Variants in GABRB3 observed in about 807,000 individuals in gnomAD.
GABRB3 encodes gamma-aminobutyric acid receptor subunit beta-3.
Under a neutral mutation model 52.1 loss-of-function variants are expected in GABRB3, and 14 were observed. The ratio of observed to expected loss-of-function variants is 0.27; its 90% confidence interval spans 0.18 to 0.42. The LOEUF (loss-of-function observed/expected upper bound fraction) is 0.42. Ranked by LOEUF, GABRB3 falls within the 10% of genes least tolerant of loss-of-function variation. The pLI, the probability that GABRB3 is intolerant of heterozygous loss-of-function variation, is 1.00. For synonymous variants in GABRB3, 260 were observed against 232.3 expected, an observed-to-expected ratio of 1.12 and a Z score of -1.08; for missense variants, 307 against 609.1, an observed-to-expected ratio of 0.50 and a Z score of 5.22.
At chr15:26,604,788 T>C (rs1891719420) in intron 4 of GABRB3, among the ~76,000 whole-genome samples, 1 of 152,000 alleles carries the variant, frequency 6.6e-6, no homozygotes, top group Non-Finnish European at 1.5e-5. Flanking sequence ...AACACTTAAA[T>C]ACAAGACCTG....
intron 5 of GABRB3, among the ~76,000 whole-genome samples, chr15:26,583,107 T>C (rs1177590605): frequency 6.6e-6 from 1 of 152,110 alleles, no homozygotes; most frequent in Non-Finnish European, 1.5e-5. Context: ...ATGAGGGGCA[T>C]TTGTTTTCTT....
At chr15:26,672,508 C>T (rs569679665) in intron 3 of GABRB3, among the ~76,000 whole-genome samples, 5 of 152,126 alleles carry the variant, frequency 3.3e-5, no homozygotes, top group African/African-American at 9.7e-5. Flanking sequence ...CTCTCCTTTG[C>T]GTATTCACTT....
intron 3 of GABRB3, among the ~76,000 whole-genome samples, chr15:26,686,071 T>C (rs1187692955): frequency 6.6e-6 from 1 of 152,074 alleles, no homozygotes; most frequent in African/African-American, 2.4e-5. Context: ...GCCTCCTGAG[T>C]AGCTGGGACT....
At chr15:26,715,891 T>C (rs1443342118) in intron 3 of GABRB3, among the ~76,000 whole-genome samples, 1 of 152,178 alleles carries the variant, frequency 6.6e-6, no homozygotes, top group Non-Finnish European at 1.5e-5. Context: ...ACCTCAACAC[T>C]CCATAGTTTG....
At chr15:26,590,661 A>G (rs1459018405) in intron 4 of GABRB3, among the ~76,000 whole-genome samples, 1 of 152,216 alleles carries the variant, frequency 6.6e-6, no homozygotes, top group Non-Finnish European at 1.5e-5. Context: ...TTTACTTTAC[A>G]AAATACATAA....
chr15:26,554,021 T>TTTTATATTTATATATATATATATATA (rs1555400756), intron 8 of GABRB3, among the ~76,000 whole-genome samples: 1 of 23,668 alleles, frequency 4.2e-5, no homozygotes, highest in African/African-American at 1.8e-4. Flanking sequence ...ACCTGACTAT[T>TTTTATATTTATATATATATATATATA]TATATATATA....
At chr15:26,670,175 GGC>G (rs1566798652) in intron 3 of GABRB3, among the ~76,000 whole-genome samples, 1 of 152,226 alleles carries the variant, frequency 6.6e-6, no homozygotes, top group Admixed American at 6.5e-5. Context: ...CCCCAACGCG[GGC>G]TCAAGCCCAG....
rs117918560 is a variant in GABRB3 at position 26,567,093 on chromosome 15, A to C, written c.835+488T>G. On this transcript the variant is annotated intron_variant, in intron 7 of 8. Transcript: ENST00000311550. ...TACATCAGCTAATAATCCAGCTGTCAAATAACCAATGGTCAGGAAAGATCA... is the reference window on the plus strand; with the variant it reads ...TACATCAGCTAATAATCCAGCTGTCCAATAACCAATGGTCAGGAAAGATCA... Among the ~76,000 whole-genome samples, 1,445 of 152,346 alleles carry C rather than the reference A, an allele frequency of 9.5e-3. 14 individuals carry two copies. The highest frequency in any genetic ancestry group is 0.02 in the Middle Eastern group (6 of 294).
chr15:26,615,854 G>A, intron 4 of GABRB3: 2 of 1,228,606 alleles, frequency 1.6e-6, no homozygotes, highest in South Asian at 1.4e-5. Context: ...CAGTCTGAAG[G>A]TCTCAGTGAT....
intron 6 of GABRB3, among the ~76,000 whole-genome samples, chr15:26,579,652 T>C (rs960999495): frequency 6.6e-6 from 1 of 152,214 alleles, no homozygotes; most frequent in Non-Finnish European, 1.5e-5. Context: ...CCAATTACAA[T>C]GCACAGCATT....
intron 3 of GABRB3, among the ~76,000 whole-genome samples, chr15:26,749,321 A>C (rs1255176500): frequency 6.6e-6 from 1 of 152,106 alleles, no homozygotes; most frequent in Non-Finnish European, 1.5e-5. Context: ...CCAAGTGTTT[A>C]GTGATTTAGT....
At chr15:26,690,814 A>G (rs1324633437) in intron 3 of GABRB3, among the ~76,000 whole-genome samples, 1 of 150,552 alleles carries the variant, frequency 6.6e-6, no homozygotes, top group East Asian at 2.1e-4. Flanking sequence ...CAGGTTTTGC[A>G]TAATTCCTTG....
intron 3 of GABRB3, among the ~76,000 whole-genome samples, chr15:26,748,970 A>G (rs1890426075): frequency 6.6e-6 from 1 of 152,074 alleles, no homozygotes; most frequent in South Asian, 2.1e-4. Context: ...AGGGTGAATG[A>G]GCGGAGACAG....
intron 3 of GABRB3, among the ~76,000 whole-genome samples, chr15:26,649,664 G>GTGTGTGTC (rs1473089059): frequency 6.7e-6 from 1 of 150,342 alleles, no homozygotes; most frequent in Non-Finnish European, 1.5e-5. Context: ...AAGGCTGTGT[G>GTGTGTGTC]TGTGTGTGTG....
chr15:26,695,803 A>T (rs1392244038), intron 3 of GABRB3, among the ~76,000 whole-genome samples: 2 of 152,236 alleles, frequency 1.3e-5, no homozygotes, highest in Middle Eastern at 3.2e-3. Context: ...TAAGCAAAAC[A>T]TCCTGGAAGT....
chr15:26,634,522 G>A (rs928180515), intron 3 of GABRB3, among the ~76,000 whole-genome samples: 1 of 152,036 alleles, frequency 6.6e-6, no homozygotes, highest in Non-Finnish European at 1.5e-5. Context: ...CACTGATGTC[G>A]CCATGGCAAC....
chr15:26,606,649 T>C (rs1043010378), intron 4 of GABRB3, among the ~76,000 whole-genome samples: 2 of 151,908 alleles, frequency 1.3e-5, no homozygotes, highest in Non-Finnish European at 1.5e-5. Context: ...AAGTCCTTGC[T>C]AGAGCAATTA....
At chr15:26,641,261 G>T (rs1161119158) in intron 3 of GABRB3, among the ~76,000 whole-genome samples, 1 of 152,238 alleles carries the variant, frequency 6.6e-6, no homozygotes, top group South Asian at 2.1e-4. Flanking sequence ...ATGAGGCGGA[G>T]AAATAACACC....
intron 3 of GABRB3, chr15:26,657,222 T>C (rs1170918211): frequency 6.6e-6 from 1 of 152,204 alleles, no homozygotes; most frequent in African/African-American, 2.4e-5. Context: ...TTATCTTCTT[T>C]AGTGCTTTAT....
Sources: allele counts gnomAD v4.1 joint callset (sites outside exome capture counted in the v4.1 genomes callset), GRCh38; gene constraint gnomAD v4.1.1; transcripts MANE v1.5; gene names NCBI Gene and HGNC (gene_info 2026-07-23, HGNC 2026-07-21).